The following RBFOX1 variants were observed in gnomAD, a reference collection of about 807,000 sequenced individuals.
RBFOX1 encodes RNA binding protein fox-1 homolog 1.
Under a neutral mutation model 57.7 loss-of-function variants are expected in RBFOX1, and 8 were observed. The ratio of observed to expected loss-of-function variants is 0.14; its 90% confidence interval spans 0.08 to 0.25. The LOEUF is 0.25. Among genes scored for constraint, RBFOX1 ranks in the 10% least tolerant of loss-of-function variants. The pLI is 1.00. For missense variants in RBFOX1, 611 were observed against 548.5 expected, an observed-to-expected ratio of 1.11 and a Z score of -1.14; for synonymous variants, 326 against 222.4, an observed-to-expected ratio of 1.47 and a Z score of -4.15.
intron 1 of RBFOX1, among the ~76,000 whole-genome samples, chr16:6,206,043 T>A (rs941450178): frequency 6.6e-6 from 1 of 152,030 alleles, no homozygotes; most frequent in Non-Finnish European, 1.5e-5. Flanking sequence ...TTTTCTTTAA[T>A]GTGCAAACTG....
chr16:6,294,556 C>T (rs758399431), intron 1 of RBFOX1, among the ~76,000 whole-genome samples: 1 of 152,180 alleles, frequency 6.6e-6, no homozygotes, highest in African/African-American at 2.4e-5. Context: ...TATGAAGGTG[C>T]CTGCTTGTAG....
intron 3 of RBFOX1, among the ~76,000 whole-genome samples, chr16:5,844,913 C>T (rs1405715825): frequency 6.6e-6 from 1 of 152,100 alleles, no homozygotes; most frequent in Non-Finnish European, 1.5e-5. Context: ...CCGTTAAGAA[C>T]ACCAAGAGTT....
chr16:5,919,485 G>T (rs2058773738), intron 4 of RBFOX1, among the ~76,000 whole-genome samples: 1 of 152,100 alleles, frequency 6.6e-6, no homozygotes, highest in Non-Finnish European at 1.5e-5. Flanking sequence ...TGGGAGTACA[G>T]GCATGTGCTG....
chr16:5,244,128 C>G (rs988493622), intron 1 of RBFOX1, among the ~76,000 whole-genome samples: 1 of 152,176 alleles, frequency 6.6e-6, no homozygotes, highest in Admixed American at 6.6e-5. Context: ...AACTCCTGAC[C>G]TGAGGTGATC....
chr16:6,783,594 C>A (rs947033862), intron 3 of RBFOX1, among the ~76,000 whole-genome samples: 2 of 152,030 alleles, frequency 1.3e-5, no homozygotes, highest in Non-Finnish European at 1.5e-5. Flanking sequence ...GTCTTTTTTA[C>A]TGTCTTTCAA....
At chr16:6,967,558 C>G (rs1420724802) in intron 3 of RBFOX1, among the ~76,000 whole-genome samples, 1 of 152,082 alleles carries the variant, frequency 6.6e-6, no homozygotes, top group East Asian at 1.9e-4. Context: ...TTATGTGTTT[C>G]TCCTACACCT....
intron 3 of RBFOX1, among the ~76,000 whole-genome samples, chr16:6,884,468 G>A (rs1344085648): frequency 6.6e-6 from 1 of 152,268 alleles, no homozygotes; most frequent in African/African-American, 2.4e-5. Flanking sequence ...CTTATTATTA[G>A]TGGCTACAAA....
chr16:7,568,997 C>G (rs1016160874), intron 5 of RBFOX1, among the ~76,000 whole-genome samples: 2 of 151,810 alleles, frequency 1.3e-5, no homozygotes, highest in Non-Finnish European at 2.9e-5. Flanking sequence ...CTTTCATTCT[C>G]CTGCCTCTGA....
intron 4 of RBFOX1, among the ~76,000 whole-genome samples, chr16:5,998,580 G>A (rs894259366): frequency 5.3e-5 from 8 of 152,126 alleles, no homozygotes; most frequent in Non-Finnish European, 1.0e-4. Context: ...ATGGATCAAA[G>A]CTGAGGGGCT....
intron 4 of RBFOX1, among the ~76,000 whole-genome samples, chr16:7,408,525 C>T (rs1417952772): frequency 6.6e-6 from 1 of 152,184 alleles, no homozygotes; most frequent in Admixed American, 6.5e-5. Flanking sequence ...CACTTTTCAT[C>T]TCTCTAGACT....
intron 3 of RBFOX1, among the ~76,000 whole-genome samples, chr16:6,767,929 TAATAATAATAATAATAATAAGAAG>T (rs1159609774): frequency 6.0e-4 from 53 of 88,478 alleles, no homozygotes; most frequent in African/African-American, 2.9e-3. Flanking sequence ...ATAATAATAA[TAATAATAATAATAATAATAAGAAG>T]AAGAAGAAGA....
chr16:7,342,145 T>C (rs566993165), intron 4 of RBFOX1, among the ~76,000 whole-genome samples: 1 of 152,320 alleles, frequency 6.6e-6, no homozygotes, highest in East Asian at 1.9e-4. Context: ...AACCTGAGTC[T>C]GGCCATTACT....
chr16:7,629,290 ACCC>A (rs1165429821), intron 10 of RBFOX1, among the ~76,000 whole-genome samples: 1 of 152,030 alleles, frequency 6.6e-6, no homozygotes, highest in African/African-American at 2.4e-5. Flanking sequence ...GTGTGGCAGG[ACCC>A]CACACGCTTT....
intron 3 of RBFOX1, among the ~76,000 whole-genome samples, chr16:6,959,989 C>T (rs1255027803): frequency 1.3e-5 from 2 of 152,074 alleles, no homozygotes; most frequent in African/African-American, 4.8e-5. Flanking sequence ...TAAACAAAGG[C>T]TGAAATGTAA....
chr16:5,296,330 A>C (rs2063667150), intron 1 of RBFOX1, among the ~76,000 whole-genome samples: 1 of 152,188 alleles, frequency 6.6e-6, no homozygotes, highest in South Asian at 2.1e-4. Flanking sequence ...ATTCTTTGCT[A>C]GAACAGCAGG....
intron 3 of RBFOX1, among the ~76,000 whole-genome samples, chr16:5,646,780 G>T (rs772928789): frequency 6.6e-6 from 1 of 151,930 alleles, no homozygotes; most frequent in Non-Finnish European, 1.5e-5. Context: ...GACTACAGGC[G>T]CCCATCACCA....
chr16:5,355,568 T>C (rs1008126182), intron 1 of RBFOX1, among the ~76,000 whole-genome samples: 16 of 152,300 alleles, frequency 1.1e-4, no homozygotes, highest in Non-Finnish European at 2.2e-4. Flanking sequence ...ATTTTATTTA[T>C]AGACAGAGAC....
At chr16:7,258,937 G>T (rs2094807585) in intron 4 of RBFOX1, among the ~76,000 whole-genome samples, 1 of 152,162 alleles carries the variant, frequency 6.6e-6, no homozygotes, top group African/African-American at 2.4e-5. Context: ...TTTTTAGATG[G>T]AAGAAAGATG....
intron 1 of RBFOX1, among the ~76,000 whole-genome samples, chr16:6,224,105 C>A (rs1415455676): frequency 6.6e-6 from 1 of 151,998 alleles, no homozygotes; most frequent in Non-Finnish European, 1.5e-5. Flanking sequence ...GTTACTGTAG[C>A]CTTGTAGTAT....
Sources: allele counts gnomAD v4.1 joint callset (sites outside exome capture counted in the v4.1 genomes callset), GRCh38; gene constraint gnomAD v4.1.1; transcripts MANE v1.5; gene names NCBI Gene and HGNC (gene_info 2026-07-23, HGNC 2026-07-21).